Variants in CTNNA3 observed in about 807,000 individuals in gnomAD.
CTNNA3 encodes catenin alpha 3, also known as catenin alpha-3.
A neutral mutation model predicts 95.7 loss-of-function variants in CTNNA3; 76 were observed. That is an observed-to-expected ratio of 0.79 (90% confidence interval 0.66 to 0.96). The LOEUF is 0.96. Among genes scored for constraint, CTNNA3 ranks in the 40% least tolerant of loss-of-function variants. The pLI is 0.00. For synonymous variants in CTNNA3, 431 were observed against 374.4 expected (o/e 1.15, Z -1.74); for missense variants, 1,191 against 1,089.8 (o/e 1.09, Z -1.31).
chr10:66,256,776 T>G (rs2090801786), intron 13 of CTNNA3, among the ~76,000 whole-genome samples: 1 of 151,352 alleles, frequency 6.6e-6, no homozygotes, highest in African/African-American at 2.4e-5. Flanking sequence ...ACTAATTACA[T>G]GGCGACAGCA....
chr10:67,659,408 G>C (rs1180941563), intron 1 of CTNNA3, among the ~76,000 whole-genome samples: 1 of 152,146 alleles, frequency 6.6e-6, no homozygotes, highest in Non-Finnish European at 1.5e-5. Flanking sequence ...CAAAATTGCA[G>C]CTACAGAGAA....
At chr10:66,307,652 T>A (rs1488821249) in intron 12 of CTNNA3, among the ~76,000 whole-genome samples, 1 of 152,188 alleles carries the variant, frequency 6.6e-6, no homozygotes, top group East Asian at 1.9e-4. Context: ...ATAAAAATGG[T>A]TGATTCTCAT....
At chr10:67,755,580 T>C (rs1283349361) in intron 1 of CTNNA3, among the ~76,000 whole-genome samples, 3 of 151,826 alleles carry the variant, frequency 2.0e-5, no homozygotes, top group African/African-American at 4.8e-5. Context: ...GGCAGATGGA[T>C]CATTTGAGGT....
rs368694884 is a variant in CTNNA3 at position 67,241,131 on chromosome 10, T to A, written c.580-21261A>T. Among the ~76,000 whole-genome samples the A allele has an allele frequency of 3.4e-4, 51 of 152,216 alleles. No individual in the cohort carries two copies. The South Asian group carries it at 0.01, about 31-fold the overall frequency. The stretch of plus-strand genomic sequence containing the variant: ...TCTATCAAGAAGAGTCAAATATCCA[T>A]AGGTCAGGGCCAGGGGTGATGGCTC... On this transcript the variant is annotated intron_variant, in intron 5 of 17. Transcript: ENST00000433211.
At chr10:67,210,050 G>T (rs1265609969) in intron 6 of CTNNA3, among the ~76,000 whole-genome samples, 1 of 152,152 alleles carries the variant, frequency 6.6e-6, no homozygotes, top group East Asian at 1.9e-4. Flanking sequence ...GCTCAAGCCT[G>T]TAATCCCAGC....
chr10:67,351,741 A>C (rs1842646973), intron 5 of CTNNA3, among the ~76,000 whole-genome samples: 1 of 151,952 alleles, frequency 6.6e-6, no homozygotes, highest in African/African-American at 2.4e-5. Flanking sequence ...TGTTATGTTA[A>C]ATTTGGTACT....
intron 3 of CTNNA3, among the ~76,000 whole-genome samples, chr10:67,576,319 T>C (rs984664950): frequency 3.9e-5 from 6 of 152,086 alleles, no homozygotes; most frequent in Non-Finnish European, 5.9e-5. Flanking sequence ...CCTAAGTAAA[T>C]AGATGAATTA....
At chr10:67,068,118 CTATT>C (rs1450090796) in intron 7 of CTNNA3, among the ~76,000 whole-genome samples, 3 of 152,020 alleles carry the variant, frequency 2.0e-5, no homozygotes, top group South Asian at 2.1e-4. Context: ...TTTTTGGAAA[CTATT>C]TAGAGAAATA....
rs1173287725 is a variant in CTNNA3 at position 66,647,549 on chromosome 10, C to T, written c.1282-25765G>A. On this transcript the variant is annotated intron_variant, in intron 9 of 17. Transcript: ENST00000433211. ...TTCTTGAGACAGAGTCTTGCTCTGT[C>T]GCCTAGGCTGGAGTGCAGTGGTGTG... is the stretch of plus-strand genomic sequence containing the variant. Among the ~76,000 whole-genome samples, 11 of 147,208 alleles carry T rather than the reference C, an allele frequency of 7.5e-5. No individual in the cohort carries two copies. The East Asian group carries it at 1.2e-3, about 16-fold the overall frequency.
At chr10:66,024,085 A>ATTTTTTTTTTTGTTTTTTTTT (rs2079283333) in intron 15 of CTNNA3, among the ~76,000 whole-genome samples, 1 of 87,750 alleles carries the variant, frequency 1.1e-5, no homozygotes, top group Non-Finnish European at 2.1e-5. Context: ...TACCATACAC[A>ATTTTTTTTTTTGTTTTTTTTT]TTTTTTTTTT....
At chr10:66,297,403 T>C (rs1158120578) in intron 12 of CTNNA3, among the ~76,000 whole-genome samples, 5 of 152,058 alleles carry the variant, frequency 3.3e-5, no homozygotes. Context: ...GGAAAGAAAC[T>C]TCCTGAAAAC....
chr10:67,007,759 T>A (rs796666448), intron 7 of CTNNA3, among the ~76,000 whole-genome samples: 2 of 151,804 alleles, frequency 1.3e-5, no homozygotes, highest in South Asian at 4.1e-4. Context: ...TTAATAAAAA[T>A]AGTATTTTTA....
At chr10:66,861,532 C>A (rs1170240596) in intron 7 of CTNNA3, among the ~76,000 whole-genome samples, 2 of 152,174 alleles carry the variant, frequency 1.3e-5, no homozygotes, top group Non-Finnish European at 2.9e-5. Flanking sequence ...CCAGCCATCT[C>A]AGACCCTGAA....
At chr10:67,088,415 G>A (rs1292809119) in intron 7 of CTNNA3, among the ~76,000 whole-genome samples, 1 of 151,774 alleles carries the variant, frequency 6.6e-6, no homozygotes, top group Admixed American at 6.6e-5. Flanking sequence ...GAAACAAAAT[G>A]CTTCATAAAA....
chr10:65,995,897 G>A lies in CTNNA3; in HGVS notation c.2160-7100C>T, dbSNP rs564014731. 9.3e-4 allele frequency among the ~76,000 whole-genome samples: 142 copies of A among 152,260 alleles called. 1 individual carries two copies. Among genetic ancestry groups the A allele is most frequent in the African/African-American group, 3.2e-3 (134 of 41,560 alleles). ...AATGTGCCCAGGCATGGGTGATGTT[G>A]CCAGGCCAGACAAGCCTGTCATTAG... On this transcript the variant is annotated intron_variant, in intron 15 of 17. Transcript: ENST00000433211.
At chr10:66,230,017 T>A (rs1735194508) in intron 13 of CTNNA3, among the ~76,000 whole-genome samples, 1 of 152,084 alleles carries the variant, frequency 6.6e-6, no homozygotes, top group South Asian at 2.1e-4. Context: ...CTATTGAAGT[T>A]TTTCTATTGT....
chr10:67,653,292 C>T (rs773418479), intron 1 of CTNNA3, among the ~76,000 whole-genome samples: 18 of 152,280 alleles, frequency 1.2e-4, no homozygotes, highest in Non-Finnish European at 1.9e-4. Context: ...ATGAGAAATC[C>T]GCCCCCAAAG....
chr10:67,285,490 A>G lies in CTNNA3; in HGVS notation c.580-65620T>C, dbSNP rs1013886009. ...CAAAATAAAACTATAAGTTGGGCCA[A>G]TGACATTCAGTCTACTGCTCTTTGC... On this transcript the variant is annotated intron_variant, in intron 5 of 17. Transcript: ENST00000433211. Among the ~76,000 whole-genome samples the G allele has an allele frequency of 2.3e-4, 35 of 152,320 alleles. 1 individual carries two copies. Among genetic ancestry groups the G allele is most frequent in the Admixed American group, 3.3e-4 (5 of 15,298 alleles).
At chr10:66,195,784 G>A (rs1370331528) in intron 13 of CTNNA3, among the ~76,000 whole-genome samples, 2 of 152,142 alleles carry the variant, frequency 1.3e-5, no homozygotes, top group Non-Finnish European at 2.9e-5. Flanking sequence ...TTGGGCACAA[G>A]TTCTATTTTT....
Sources: gnomAD v4.1 joint callset for allele counts (sites outside exome capture counted in the v4.1 genomes callset) on GRCh38, gnomAD v4.1.1 for gene constraint, MANE v1.5 for transcripts, NCBI Gene and HGNC (gene_info 2026-07-23, HGNC 2026-07-21) for gene names.